MED13L: variants seen among roughly 807,000 people sequenced by gnomAD.
The protein encoded by MED13L is mediator complex subunit 13L.
Under a neutral mutation model 220.9 loss-of-function variants are expected in MED13L, and 7 were observed. The observed-to-expected ratio is 0.03, with a 90% CI of 0.02 to 0.06. The LOEUF (loss-of-function observed/expected upper bound fraction) is 0.06, where lower values mean the gene tolerates loss of function less well. MED13L is among the 10% of genes least tolerant of loss of function. MED13L has a pLI of 1.00. For synonymous variants in MED13L, 1,011 were observed against 1,015.2 expected, an observed-to-expected ratio of 1.00 and a Z score of 0.08; for missense variants, 1,965 against 2,760.5, an observed-to-expected ratio of 0.71 and a Z score of 6.46.
Position 115,982,464 on chromosome 12 carries a change from A to G in MED13L, c.5095T>C (p.Trp1699Arg), listed in dbSNP as rs1877394458. Reference protein sequence around the residue: ...AEEDSTSGNFWLLSLMRCYTE... With the variant: ...AEEDSTSGNFRLLSLMRCYTE... ...TAGCAGCGCATCAAGCTCAACAGCC[A>G]AAAGTTCCCAGAAGTGGAGTCCTCC... The change falls in exon 22 of 31, where the codon TGG becomes CGG. Residue 1699 changes from tryptophan to arginine, a missense_variant. Around this residue, in one of 10 missense-constraint regions of MED13L, gnomAD observed 510 missense variants for 620.4 expected, o/e 0.82. Coordinates refer to ENST00000281928, the MANE Select transcript of MED13L (RefSeq NM_015335.5). 2.5e-6 allele frequency: 4 copies of G among 1,614,180 alleles called. No homozygotes were observed. In the East Asian group the frequency reaches 8.9e-5, roughly 36 times the overall value.
intron 2 of MED13L, among the ~76,000 whole-genome samples, chr12:116,138,877 G>T (rs1391580585): frequency 6.6e-6 from 1 of 152,138 alleles, no homozygotes; most frequent in African/African-American, 2.4e-5. Flanking sequence ...TATTTAAGAT[G>T]AAAGGGAAGA....
chr12:116,270,223 C>T (rs762612225), intron 1 of MED13L, among the ~76,000 whole-genome samples: 85 of 151,634 alleles, frequency 5.6e-4, no homozygotes, highest in Non-Finnish European at 1.0e-3. Context: ...CTCACTGAAA[C>T]CTCTGCCTCC....
intron 2 of MED13L, among the ~76,000 whole-genome samples, chr12:116,120,117 T>A (rs1874912503): frequency 6.6e-6 from 1 of 152,004 alleles, no homozygotes; most frequent in South Asian, 2.1e-4. Flanking sequence ...GTCATTGAAA[T>A]TAGCACCAAT....
chr12:116,198,348 T>TA, intron 2 of MED13L, among the ~76,000 whole-genome samples: 1 of 152,216 alleles, frequency 6.6e-6, no homozygotes, highest in Non-Finnish European at 1.5e-5. Context: ...TCACATACTT[T>TA]AAAAAAAATT....
chr12:115,997,239 A>G lies in MED13L; in HGVS notation c.2570-9T>C, dbSNP rs761911336. 6.2e-7 allele frequency: 1 copy of G among 1,612,824 alleles called. No individual in the cohort carries two copies. The highest frequency in any genetic ancestry group is 1.7e-5 in the Admixed American group (1 of 59,996). On this transcript the variant is annotated splice_polypyrimidine_tract_variant and intron_variant, in intron 14 of 30. Transcript: ENST00000281928. ...TTGCAAGTCTGCAACTGCTAAAAAT[A>G]AGAAATAAAAAAAATTTGTTTAATA...
intron 9 of MED13L, among the ~76,000 whole-genome samples, chr12:116,011,076 G>A (rs993328173): frequency 6.6e-6 from 1 of 151,682 alleles, no homozygotes; most frequent in African/African-American, 2.4e-5. Flanking sequence ...AAGTAGAAAT[G>A]GGGTTTCACC....
chr12:115,986,758 A>G (rs933869918), intron 18 of MED13L, among the ~76,000 whole-genome samples: 36 of 152,210 alleles, frequency 2.4e-4, no homozygotes, highest in Non-Finnish European at 7.3e-5. Context: ...AAGCAGCACT[A>G]CATCATTTCC....
At chr12:116,191,357 G>A (rs1401913398) in intron 2 of MED13L, among the ~76,000 whole-genome samples, 1 of 152,046 alleles carries the variant, frequency 6.6e-6, no homozygotes, top group South Asian at 2.1e-4. Context: ...TTGAGGCAAA[G>A]TCTCACTCTG....
rs868614976 is a variant in MED13L at position 116,064,415 on chromosome 12, T to A, written c.479+32254A>T. Among the ~76,000 whole-genome samples the A allele has an allele frequency of 2.1e-4, 32 of 152,280 alleles. 1 individual carries two copies. The Middle Eastern group carries it at 0.017, about 81-fold the overall frequency. The stretch of plus-strand genomic sequence containing the variant: ...TATTTTCAATCTGTGGTTGGTTGAA[T>A]CCTTGGAGGCAGAACCCACCGATAT... On this transcript the variant is annotated intron_variant, in intron 4 of 30. Transcript: ENST00000281928.
intron 10 of MED13L, 26 bp from the exon 11 acceptor site, chr12:116,007,662 A>C (rs1252318174): frequency 6.4e-7 from 1 of 1,567,050 alleles, no homozygotes; most frequent in East Asian, 2.2e-5. Context: ...AAAAAAAAAA[A>C]AAAGAGCATT....
chr12:116,143,044 G>A (rs1325199978), intron 2 of MED13L, among the ~76,000 whole-genome samples: 1 of 152,068 alleles, frequency 6.6e-6, no homozygotes, highest in East Asian at 1.9e-4. Flanking sequence ...TTTGCTCTCG[G>A]CCAAATGACT....
intron 2 of MED13L, among the ~76,000 whole-genome samples, chr12:116,223,567 G>A (rs1868651689): frequency 6.6e-6 from 1 of 152,114 alleles, no homozygotes; most frequent in African/African-American, 2.4e-5. Context: ...AGCCGAGCAT[G>A]GTGGTACGTG....
chr12:116,265,119 C>A (rs1028208954), intron 1 of MED13L, among the ~76,000 whole-genome samples: 2 of 152,188 alleles, frequency 1.3e-5, no homozygotes, highest in Non-Finnish European at 2.9e-5. Flanking sequence ...ACCAAGCTGC[C>A]CAAATAGCAA....
At position 116,144,962 on chromosome 12, in the gene MED13L, A is replaced by C. The variant is rs139997348; in HGVS notation, c.311-33450T>G. 3.3e-5 allele frequency among the ~76,000 whole-genome samples: 5 copies of C among 152,348 alleles called. No individual in the cohort carries two copies. In the East Asian group the frequency reaches 9.6e-4, roughly 29 times the overall value. ...CCACTTAATTCATCCCATACCACTT[A>C]TAAGGTAATTACGTGTATCTGTGCA... On this transcript the variant is annotated intron_variant, in intron 2 of 30. Transcript: ENST00000281928.
chr12:115,983,035 G>C, intron 21 of MED13L, 82 bp downstream of exon 21: 1 of 1,439,466 alleles, frequency 6.9e-7, no homozygotes, highest in African/African-American at 1.4e-5. Context: ...AGAATCATGA[G>C]GTCAAGGGAG....
chr12:116,073,732 C>A (rs1397953487), intron 4 of MED13L, among the ~76,000 whole-genome samples: 1 of 152,206 alleles, frequency 6.6e-6, no homozygotes, highest in African/African-American at 2.4e-5. Flanking sequence ...AAACATATGT[C>A]AGTAACTAAA....
intron 4 of MED13L, among the ~76,000 whole-genome samples, chr12:116,067,930 T>G (rs1185126841): frequency 6.6e-6 from 1 of 152,230 alleles, no homozygotes; most frequent in Non-Finnish European, 1.5e-5. Context: ...TCTGTTTAAT[T>G]ACACTAGCTT....
intron 1 of MED13L, among the ~76,000 whole-genome samples, chr12:116,264,642 A>G (rs934691744): frequency 2.0e-5 from 3 of 152,038 alleles, no homozygotes; most frequent in Non-Finnish European, 4.4e-5. Context: ...TAGCACTAAC[A>G]CTATCGGCTG....
intron 1 of MED13L, among the ~76,000 whole-genome samples, chr12:116,247,558 C>T (rs753959443): frequency 2.6e-5 from 4 of 152,200 alleles, no homozygotes; most frequent in Non-Finnish European, 5.9e-5. Flanking sequence ...ATGTTGCTGG[C>T]CAAGGATTCC....
Sources: gnomAD v4.1 joint callset for allele counts (sites outside exome capture counted in the v4.1 genomes callset) on GRCh38, gnomAD v4.1.1 for gene constraint, gnomAD v4.1.1 regional missense constraint, MANE v1.5 for transcripts, NCBI Gene and HGNC (gene_info 2026-07-23, HGNC 2026-07-21) for gene names.